Variants in PCDH7 observed in about 807,000 individuals in gnomAD.
PCDH7 encodes the protein protocadherin-7.
Under a neutral mutation model 58.9 loss-of-function variants are expected in PCDH7, and 17 were observed. The ratio of observed to expected loss-of-function variants is 0.29; its 90% CI spans 0.20 to 0.43. PCDH7 has a LOEUF of 0.43. PCDH7 is among the 20% of genes least tolerant of loss of function. PCDH7 has a pLI of 1.00. For missense variants in PCDH7, 1,274 were observed against 1,441.0 expected (o/e 0.88, Z 1.88); for synonymous variants, 664 against 616.4 (o/e 1.08, Z -1.14).
intron 3 of PCDH7, among the ~76,000 whole-genome samples, chr4:31,031,702 C>CT (rs1754930100): frequency 6.6e-6 from 1 of 152,018 alleles, no homozygotes; most frequent in Non-Finnish European, 1.5e-5. Flanking sequence ...AGATTTTGTT[C>CT]TTTTTAAAAA....
intron 3 of PCDH7, among the ~76,000 whole-genome samples, chr4:30,988,580 T>C (rs1301745775): frequency 6.6e-6 from 1 of 152,206 alleles, no homozygotes; most frequent in African/African-American, 2.4e-5. Context: ...ATTTGTGAAC[T>C]ATTTATCATT....
chr4:31,055,022 G>C (rs1046367758), intron 3 of PCDH7, among the ~76,000 whole-genome samples: 1 of 151,938 alleles, frequency 6.6e-6, no homozygotes, highest in African/African-American at 2.4e-5. Flanking sequence ...ACCTCTAAGG[G>C]TTTTGCTCCT....
chr4:31,051,346 A>G (rs1181629414), intron 3 of PCDH7, among the ~76,000 whole-genome samples: 2 of 152,140 alleles, frequency 1.3e-5, no homozygotes, highest in Admixed American at 1.3e-4. Flanking sequence ...GGAGTGTGGC[A>G]CCTGAAGGTT....
At chr4:31,085,189 G>A (rs1479536884) in intron 3 of PCDH7, among the ~76,000 whole-genome samples, 1 of 152,026 alleles carries the variant, frequency 6.6e-6, no homozygotes, top group Admixed American at 6.5e-5. Context: ...GAAATCATAG[G>A]GAGTCGGAGC....
At chr4:30,772,880 ACTTT>A (rs1385204287) in intron 1 of PCDH7, among the ~76,000 whole-genome samples, 1 of 152,082 alleles carries the variant, frequency 6.6e-6, no homozygotes, top group Non-Finnish European at 1.5e-5. Flanking sequence ...TAAATGCTAT[ACTTT>A]CTATTTTATT....
intron 2 of PCDH7, among the ~76,000 whole-genome samples, chr4:30,943,737 T>A (rs1287686681): frequency 6.6e-6 from 1 of 151,902 alleles, no homozygotes; most frequent in Non-Finnish European, 1.5e-5. Flanking sequence ...TTTTTTTTTT[T>A]AGCTCATCAG....
At chr4:30,854,977 T>A (rs1733272439) in intron 1 of PCDH7, among the ~76,000 whole-genome samples, 1 of 152,168 alleles carries the variant, frequency 6.6e-6, no homozygotes, top group African/African-American at 2.4e-5. Flanking sequence ...GTTAAGTGAC[T>A]CACCTAAAAT....
At chr4:30,802,290 G>A (rs1725624436) in intron 1 of PCDH7, among the ~76,000 whole-genome samples, 2 of 91,832 alleles carry the variant, frequency 2.2e-5, no homozygotes, top group South Asian at 6.3e-4. Flanking sequence ...TGGTAGCCAG[G>A]CAAGAAAATT....
chr4:30,796,705 T>C (rs1215406823), intron 1 of PCDH7, among the ~76,000 whole-genome samples: 1 of 152,214 alleles, frequency 6.6e-6, no homozygotes, highest in African/African-American at 2.4e-5. Flanking sequence ...ATTTTAAATG[T>C]CTTGATTTAG....
chr4:30,863,815 C>A (rs961922625), intron 1 of PCDH7, among the ~76,000 whole-genome samples: 1 of 151,848 alleles, frequency 6.6e-6, no homozygotes, highest in Non-Finnish European at 1.5e-5. Flanking sequence ...TTTCCAACCC[C>A]CAAGAGAATA....
At chr4:30,876,546 T>C (rs1173144942) in intron 1 of PCDH7, among the ~76,000 whole-genome samples, 1 of 152,052 alleles carries the variant, frequency 6.6e-6, no homozygotes, top group Non-Finnish European at 1.5e-5. Context: ...TACTGTACAT[T>C]TGTATTATAA....
chr4:30,906,743 C>G (rs930134444), intron 1 of PCDH7, among the ~76,000 whole-genome samples: 2 of 152,080 alleles, frequency 1.3e-5, no homozygotes, highest in Non-Finnish European at 2.9e-5. Flanking sequence ...AGATTATGGA[C>G]CAGGCACTGT....
rs61539074 is a variant in PCDH7 at position 30,964,250 on chromosome 4, A to ATT, written c.*7+14043_*7+14044dup. ...TATTTATTTATTTATTTATTTATTT[A>ATT]TTTTTTTTTGAGATGAAATCTGGCT... On this transcript the variant is annotated intron_variant, in intron 3 of 3. Coordinates refer to the PCDH7 transcript ENST00000509759. Among the ~76,000 whole-genome samples the ATT allele has an allele frequency of 5.8e-4, 62 of 106,782 alleles. 1 individual carries two copies. The highest frequency in any genetic ancestry group is 2.0e-3 in the African/African-American group (35 of 17,328). 70.1% of individuals were successfully genotyped at this position (106,782 alleles called of 152,430 possible). A position where few individuals can be genotyped will look rare whatever the true frequency, so the allele number is the denominator to read the frequency against.
intron 1 of PCDH7, among the ~76,000 whole-genome samples, chr4:30,842,992 C>T (rs768797747): frequency 3.3e-5 from 5 of 151,662 alleles, no homozygotes; most frequent in Non-Finnish European, 7.4e-5. Context: ...CTGTCTTATG[C>T]AATGCCGCAA....
rs139819358 is a variant in PCDH7, at chr4:30,722,703, C to T, written c.1281C>T (p.Asp427=). The change falls in exon 1 of 2, where the codon GAC becomes GAT. Residue 427 remains aspartate (D), a synonymous_variant. Coordinates refer to ENST00000361762, the Ensembl canonical transcript of PCDH7. The surrounding 1 kb of genome is among the most constrained non-coding windows in gnomAD (Gnocchi z 7.6). Reference sequence around the variant, plus strand: ...AGATTGGGCGCATCCCCCTCAAGGACGGGGTGGCCAACGTGGCCGAGGACG... The same window carrying T: ...AGATTGGGCGCATCCCCCTCAAGGATGGGGTGGCCAACGTGGCCGAGGACG... 2.9e-5 allele frequency: 46 copies of T among 1,613,450 alleles called. No individual in the cohort carries two copies. The highest frequency in any genetic ancestry group is 3.8e-5 in the Non-Finnish European group (45 of 1,180,016).
chr4:31,084,552 C>A (rs940616587), intron 3 of PCDH7, among the ~76,000 whole-genome samples: 1 of 150,426 alleles, frequency 6.6e-6, no homozygotes, highest in Non-Finnish European at 1.5e-5. Context: ...AAGCATGGTG[C>A]CTGCATCTGC....
chr4:31,063,609 G>A (rs1190883604), intron 3 of PCDH7, among the ~76,000 whole-genome samples: 1 of 151,890 alleles, frequency 6.6e-6, no homozygotes, highest in Non-Finnish European at 1.5e-5. Context: ...AGAGATAGCA[G>A]TTATTAAGTA....
intron 1 of PCDH7, among the ~76,000 whole-genome samples, chr4:30,862,016 A>C (rs1380025988): frequency 6.6e-6 from 1 of 152,136 alleles, no homozygotes; most frequent in African/African-American, 2.4e-5. Context: ...TCTATTAGTA[A>C]AGCTGAAAGG....
At chr4:30,737,753 CTTG>C (rs1256732857), downstream of PCDH7, among the ~76,000 whole-genome samples, 1 of 152,072 alleles carries the variant, frequency 6.6e-6, no homozygotes, top group Non-Finnish European at 1.5e-5. Context: ...AGAGGTAAAG[CTTG>C]TTGTCATAAA....
Sources: gnomAD v4.1 joint callset for allele counts (sites outside exome capture counted in the v4.1 genomes callset) on GRCh38, gnomAD v4.1.1 for gene constraint, Gnocchi (gnomAD v3.1) non-coding constraint, MANE v1.5 for transcripts, NCBI Gene and HGNC (gene_info 2026-07-23, HGNC 2026-07-21) for gene names.